CFAP99: variants seen among roughly 807,000 people sequenced by gnomAD.
CFAP99 encodes cilia- and flagella-associated protein 99.
A neutral mutation model predicts 82.7 loss-of-function variants in CFAP99; 84 were observed. That is an observed-to-expected ratio of 1.02 (90% confidence interval 0.85 to 1.22). The LOEUF (loss-of-function observed/expected upper bound fraction) is 1.22, where lower values mean the gene tolerates loss of function less well. CFAP99 is among the 50% of genes most tolerant of loss of function. The probability of loss-of-function intolerance (pLI) is 0.00; values close to 1 mark genes in which losing one functional copy is unlikely to be tolerated. For missense variants in CFAP99, 1,059 were observed against 983.5 expected (o/e 1.08, Z -1.03); for synonymous variants, 456 against 429.5 (o/e 1.06, Z -0.76).
intron 1 of CFAP99, among the ~76,000 whole-genome samples, chr4:2,420,641 G>A (rs114123740): frequency 2.0e-5 from 3 of 152,224 alleles, no homozygotes; most frequent in Non-Finnish European, 2.9e-5. Flanking sequence ...GTATCAGTTA[G>A]GTTTAGCTGC....
At chr4:2,438,258 T>A in intron 4 of CFAP99, 94 bp downstream of exon 4, 1 of 677,994 alleles carries the variant, frequency 1.5e-6, no homozygotes, top group South Asian at 1.7e-5. Flanking sequence ...TTGGGTTGTT[T>A]TGTTTGTTTG....
At chr4:2,458,356 G>A (rs963580153) in intron 11 of CFAP99, among the ~76,000 whole-genome samples, 2 of 151,946 alleles carry the variant, frequency 1.3e-5, no homozygotes, top group African/African-American at 4.8e-5. Context: ...GGTATTCCAC[G>A]TCCCCCCTAC....
In CFAP99 at chr4:2,452,605, C is replaced by T. The variant is rs150576338; in HGVS notation, c.1161+259C>T. 6.3e-3 allele frequency among the ~76,000 whole-genome samples: 961 copies of T among 152,270 alleles called. 13 individuals carry two copies. Among genetic ancestry groups the T allele is most frequent in the African/African-American group, 0.022 (911 of 41,522 alleles). ...CTGGACCAGCGGGGAGCCTCAGCCC[C>T]AGGAGGCCGGCCTGTATACTCTCTC... On this transcript the variant is annotated intron_variant, in intron 11 of 14. Coordinates refer to ENST00000635017, the Ensembl canonical transcript of CFAP99.
intron 13 of CFAP99, 58 bp from the exon 14 acceptor site, chr4:2,459,979 G>T: frequency 6.8e-7 from 1 of 1,474,502 alleles, no homozygotes; most frequent in South Asian, 1.2e-5. Flanking sequence ...GGATCCTGGT[G>T]GGAAGCATCG....
intron 1 of CFAP99, 139 bp from the exon 2 acceptor site, chr4:2,426,320 C>G: frequency 6.3e-6 from 4 of 637,526 alleles, no homozygotes; most frequent in Admixed American, 4.6e-5. Context: ...GGCCCGGCAC[C>G]CTAGCCAGGG....
At chr4:2,456,521 A>T (rs1219988794) in intron 11 of CFAP99, among the ~76,000 whole-genome samples, 2 of 152,120 alleles carry the variant, frequency 1.3e-5, no homozygotes, top group Non-Finnish European at 2.9e-5. Flanking sequence ...TACAAAAAAA[A>T]TGTTTGTTTG....
intron 6 of CFAP99, among the ~76,000 whole-genome samples, 178 bp downstream of exon 6, chr4:2,445,486 C>G (rs1734144031): frequency 6.6e-6 from 1 of 151,986 alleles, no homozygotes; most frequent in Non-Finnish European, 1.5e-5. Context: ...GAGAGGGAAA[C>G]CCAGCTGACC....
At chr4:2,439,136 C>T (rs2108721647) in intron 4 of CFAP99, among the ~76,000 whole-genome samples, 1 of 152,370 alleles carries the variant, frequency 6.6e-6, no homozygotes, top group South Asian at 2.1e-4. Flanking sequence ...TTTTCCCGGA[C>T]ACTCATGGTG....
intron 4 of CFAP99, among the ~76,000 whole-genome samples, chr4:2,442,596 C>T (rs1363608464): frequency 1.3e-5 from 2 of 152,162 alleles, no homozygotes; most frequent in Non-Finnish European, 2.9e-5. Context: ...CCCCCAAGAC[C>T]ACCATTCAGG....
At chr4:2,441,101 G>A (rs888569893) in intron 4 of CFAP99, among the ~76,000 whole-genome samples, 3 of 150,492 alleles carry the variant, frequency 2.0e-5, no homozygotes, top group Non-Finnish European at 4.4e-5. Flanking sequence ...AATAATTGTT[G>A]AGGCCGGGCA....
intron 2 of CFAP99, among the ~76,000 whole-genome samples, chr4:2,429,924 C>G (rs1224039378): frequency 6.6e-6 from 1 of 151,876 alleles, no homozygotes; most frequent in East Asian, 1.9e-4. Context: ...CTCACAAGTC[C>G]GAGAGGAATG....
At chr4:2,459,899 G>A (rs1578484926) in intron 13 of CFAP99, 138 bp from the exon 14 acceptor site, 3 of 736,818 alleles carry the variant, frequency 4.1e-6, no homozygotes, top group Non-Finnish European at 6.9e-6. Flanking sequence ...GAGAGGCTGG[G>A]GGCATGTTTC....
At position 2,460,867 on chromosome 4, in the gene CFAP99, T is replaced by A. The variant is rs1734606076; in HGVS notation, c.1661+625T>A. Among the ~76,000 whole-genome samples the A allele has an allele frequency of 2.6e-5, 4 of 152,084 alleles. No homozygotes were observed. The South Asian group carries it at 8.3e-4, about 32-fold the overall frequency. ...CAGGTTCAAGCCTCAGCCTCCCAAG[T>A]AGCTGGGACTACAGGCACACACCAC... On this transcript the variant is annotated intron_variant, in intron 14 of 14. Transcript: ENST00000635017.
rs1265435035 is a variant in CFAP99 at position 2,460,020 on chromosome 4, C to A, written c.1456-17C>A. 6.5e-7 allele frequency: 1 copy of A among 1,535,156 alleles called. No individual in the cohort carries two copies. The highest frequency in any genetic ancestry group is 2.0e-5 in the Admixed American group (1 of 50,990). ...CAGCACAGCTCCCAGCTTGGGGCCT[C>A]CCCTACCACCCCACAGATCCCCGGC... On this transcript the variant is annotated splice_polypyrimidine_tract_variant and intron_variant, in intron 13 of 14. Transcript: ENST00000635017.
At chr4:2,433,412 G>A (rs1401373781) in intron 2 of CFAP99, among the ~76,000 whole-genome samples, 2 of 150,384 alleles carry the variant, frequency 1.3e-5, no homozygotes, top group Non-Finnish European at 2.9e-5. Context: ...ACAAGATGTT[G>A]TCAGTTACAC....
intron 4 of CFAP99, among the ~76,000 whole-genome samples, chr4:2,442,120 A>G (rs772594213): frequency 6.6e-6 from 1 of 152,074 alleles, no homozygotes; most frequent in Non-Finnish European, 1.5e-5. Flanking sequence ...TGGTGGGAGC[A>G]CCCCAGCTGA....
chr4:2,454,589 T>G (rs1351335293), intron 11 of CFAP99, among the ~76,000 whole-genome samples: 4 of 147,014 alleles, frequency 2.7e-5, no homozygotes, highest in African/African-American at 5.2e-5. Context: ...TTCTTTTTTT[T>G]TTTTGTTTTT....
At chr4:2,419,296 C>T (rs1400753786) in intron 1 of CFAP99, among the ~76,000 whole-genome samples, 1 of 151,928 alleles carries the variant, frequency 6.6e-6, no homozygotes, top group African/African-American at 2.4e-5. Context: ...GATACTCTTC[C>T]GCCCTCGCTA....
intron 1 of CFAP99, among the ~76,000 whole-genome samples, chr4:2,423,624 G>A (rs1733626094): frequency 1.3e-5 from 2 of 152,192 alleles, no homozygotes; most frequent in Non-Finnish European, 2.9e-5. Flanking sequence ...TAGGTGGCAG[G>A]TCCCCAGGGG....
Sources: allele counts gnomAD v4.1 joint callset (sites outside exome capture counted in the v4.1 genomes callset), GRCh38; gene constraint gnomAD v4.1.1; transcripts MANE v1.5; gene names NCBI Gene and HGNC (gene_info 2026-07-23, HGNC 2026-07-21).